Variants in AGBL4 observed in about 807,000 individuals in gnomAD.
AGBL4 encodes the protein AGBL carboxypeptidase 4.
In AGBL4, 58 loss-of-function variants were observed where a neutral mutation model predicts 66.4. The ratio of observed to expected loss-of-function variants is 0.87; its 90% confidence interval spans 0.71 to 1.09. AGBL4 has a LOEUF of 1.09. Ranked by LOEUF, AGBL4 falls within the 50% of genes least tolerant of loss-of-function variation. AGBL4 has a pLI of 0.00. For synonymous variants in AGBL4, 234 were observed against 222.9 expected, an observed-to-expected ratio of 1.05 and a Z score of -0.44; for missense variants, 579 against 631.0, an observed-to-expected ratio of 0.92 and a Z score of 0.88.
intron 11 of AGBL4, among the ~76,000 whole-genome samples, chr1:48,556,374 G>A (rs1644321264): frequency 6.6e-6 from 1 of 152,054 alleles, no homozygotes; most frequent in Non-Finnish European, 1.5e-5. Context: ...TGCTAATCAG[G>A]ATCCACTCAC....
chr1:49,750,379 T>C, intron 2 of AGBL4, among the ~76,000 whole-genome samples: 1 of 152,164 alleles, frequency 6.6e-6, no homozygotes, highest in East Asian at 1.9e-4. Flanking sequence ...TTTTGTCAGG[T>C]TTGTCAAAGA....
chr1:49,657,643 C>G (rs1646171894), intron 3 of AGBL4, among the ~76,000 whole-genome samples: 1 of 152,162 alleles, frequency 6.6e-6, no homozygotes, highest in Non-Finnish European at 1.5e-5. Flanking sequence ...CAGCATGGTA[C>G]TGGTACCAAA....
chr1:49,978,562 C>G (rs768673555), intron 1 of AGBL4, among the ~76,000 whole-genome samples: 14 of 152,124 alleles, frequency 9.2e-5, no homozygotes, highest in Non-Finnish European at 1.9e-4. Flanking sequence ...TATAGTATAT[C>G]CAAACTGTAG....
At chr1:50,010,441 A>C (rs568358877) in intron 1 of AGBL4, among the ~76,000 whole-genome samples, 45 of 150,726 alleles carry the variant, frequency 3.0e-4, no homozygotes, top group African/African-American at 1.0e-3. Context: ...AATAGAAAAA[A>C]TAATCCCAAA....
intron 3 of AGBL4, among the ~76,000 whole-genome samples, chr1:49,580,979 T>A (rs1275464979): frequency 6.6e-6 from 1 of 152,194 alleles, no homozygotes; most frequent in Non-Finnish European, 1.5e-5. Context: ...TTCTTCCCTA[T>A]CCAGAATACT....
intron 6 of AGBL4, among the ~76,000 whole-genome samples, chr1:48,677,563 C>T (rs1007157789): frequency 9.9e-5 from 15 of 152,166 alleles, no homozygotes; most frequent in African/African-American, 3.6e-4. Flanking sequence ...TGCAGAACGG[C>T]TGGCACTCTG....
chr1:48,640,200 AT>A (rs1645732199), intron 8 of AGBL4, among the ~76,000 whole-genome samples: 1 of 152,216 alleles, frequency 6.6e-6, no homozygotes, highest in South Asian at 2.1e-4. Flanking sequence ...GAAAATGCAA[AT>A]ATATGGGGGC....
At chr1:48,762,289 C>T (rs17375010) in intron 6 of AGBL4, among the ~76,000 whole-genome samples, 8,642 of 152,310 alleles carry the variant, frequency 0.057, 331 homozygotes, top group Middle Eastern at 0.088. Context: ...TTTTCTCATT[C>T]TTTAAGCTCA....
intron 11 of AGBL4, among the ~76,000 whole-genome samples, chr1:48,551,120 A>G (rs1644242525): frequency 6.6e-6 from 1 of 152,166 alleles, no homozygotes; most frequent in Non-Finnish European, 1.5e-5. Context: ...TGTCACCTCC[A>G]AGGTAAGACC....
intron 2 of AGBL4, among the ~76,000 whole-genome samples, chr1:49,717,926 G>C (rs574306031): frequency 5.9e-5 from 9 of 152,186 alleles, no homozygotes; most frequent in South Asian, 2.1e-4. Context: ...GAATATATCA[G>C]TCCTTGCTAT....
chr1:49,492,029 GTC>G (rs1208385970), intron 3 of AGBL4, among the ~76,000 whole-genome samples: 1 of 151,694 alleles, frequency 6.6e-6, no homozygotes, highest in Non-Finnish European at 1.5e-5. Context: ...TGTGAATGTG[GTC>G]TCTCTCTCTC....
chr1:49,900,738 C>T (rs1649685010), intron 1 of AGBL4, among the ~76,000 whole-genome samples: 2 of 152,160 alleles, frequency 1.3e-5, no homozygotes, highest in African/African-American at 4.8e-5. Flanking sequence ...CTTATGGTCT[C>T]CTGGGACACT....
intron 1 of AGBL4, among the ~76,000 whole-genome samples, chr1:49,879,930 C>T (rs986468386): frequency 2.1e-5 from 3 of 142,186 alleles, no homozygotes; most frequent in Admixed American, 7.2e-5. Context: ...ATTGCTGATA[C>T]CCTTTCTTCC....
At chr1:49,026,896 T>C (rs1477285321) in intron 5 of AGBL4, among the ~76,000 whole-genome samples, 2 of 152,214 alleles carry the variant, frequency 1.3e-5, no homozygotes, top group African/African-American at 4.8e-5. Flanking sequence ...TCATTTAATT[T>C]TTCCCCTTTA....
At chr1:49,389,244 T>A (rs570535136) in intron 3 of AGBL4, among the ~76,000 whole-genome samples, 5 of 152,220 alleles carry the variant, frequency 3.3e-5, no homozygotes, top group South Asian at 2.1e-4. Flanking sequence ...GCCATCAATT[T>A]TTTTTTTATG....
chr1:50,022,670 A>G (rs1662539280), intron 1 of AGBL4, among the ~76,000 whole-genome samples: 1 of 150,568 alleles, frequency 6.6e-6, no homozygotes, highest in Non-Finnish European at 1.5e-5. Context: ...ACCAGGACCA[A>G]AGTAATTCAA....
At chr1:49,440,132 C>T (rs551434235) in intron 3 of AGBL4, among the ~76,000 whole-genome samples, 4 of 145,638 alleles carry the variant, frequency 2.7e-5, no homozygotes, top group South Asian at 4.3e-4. Flanking sequence ...TGCAGTGGTG[C>T]AATCTCTGCT....
chr1:49,926,849 G>T (rs1571885768), intron 1 of AGBL4, among the ~76,000 whole-genome samples: 1 of 152,210 alleles, frequency 6.6e-6, no homozygotes, highest in Non-Finnish European at 1.5e-5. Flanking sequence ...TCACTAGAGG[G>T]ACAGAACTAA....
At chr1:49,367,835 G>A (rs1005739863) in intron 3 of AGBL4, among the ~76,000 whole-genome samples, 4 of 152,032 alleles carry the variant, frequency 2.6e-5, no homozygotes, top group Admixed American at 6.6e-5. Flanking sequence ...TCACAATGTC[G>A]TGCAACCATC....
Sources: gnomAD v4.1 joint callset for allele counts (sites outside exome capture counted in the v4.1 genomes callset) on GRCh38, gnomAD v4.1.1 for gene constraint, MANE v1.5 for transcripts, NCBI Gene and HGNC (gene_info 2026-07-23, HGNC 2026-07-21) for gene names.